Variants in NEDD9 observed in about 807,000 individuals in gnomAD.
NEDD9 encodes neural precursor cell expressed, developmentally down-regulated 9.
Under a neutral mutation model 76.6 loss-of-function variants are expected in NEDD9, and 26 were observed. The ratio of observed to expected loss-of-function variants is 0.34; its 90% CI spans 0.25 to 0.47. The LOEUF is 0.47. NEDD9 is among the 20% of genes least tolerant of loss of function. The probability of loss-of-function intolerance (pLI) is 1.00; values close to 1 mark genes in which losing one functional copy is unlikely to be tolerated. For missense variants in NEDD9, 937 were observed against 1,058.5 expected (o/e 0.89, Z 1.59); for synonymous variants, 392 against 414.2 (o/e 0.95, Z 0.65).
intron 1 of NEDD9, among the ~76,000 whole-genome samples, chr6:11,366,854 G>T (rs148421156): frequency 6.6e-6 from 1 of 152,120 alleles, no homozygotes; most frequent in African/African-American, 2.4e-5. Context: ...CTGTAGAGTG[G>T]GAGATACAAT....
At chr6:11,223,496 A>AG (rs397735102) in intron 1 of NEDD9, among the ~76,000 whole-genome samples, 24 of 150,528 alleles carry the variant, frequency 1.6e-4, no homozygotes, top group African/African-American at 4.7e-4. Flanking sequence ...GGAAAAAAAA[A>AG]CCAACAAAAC....
intron 3 of NEDD9, among the ~76,000 whole-genome samples, chr6:11,304,336 G>C (rs1272945747): frequency 6.6e-6 from 1 of 152,212 alleles, no homozygotes; most frequent in Non-Finnish European, 1.5e-5. Flanking sequence ...GGAGAAATAG[G>C]AAGGGTTTTA....
At chr6:11,355,896 A>AT (rs58539993) in intron 1 of NEDD9, among the ~76,000 whole-genome samples, 1 of 151,278 alleles carries the variant, frequency 6.6e-6, no homozygotes, top group Non-Finnish European at 1.5e-5. Flanking sequence ...AATTTTTTGT[A>AT]TTTTTTAGTA....
Position 11,213,218 on chromosome 6 carries a change from G to A in NEDD9, c.459+63C>T. 2 of 1,425,704 alleles carry A rather than the reference G, an allele frequency of 1.4e-6. No homozygotes were observed. Among genetic ancestry groups the A allele is most frequent in the Non-Finnish European group, 1.9e-6 (2 of 1,051,902 alleles). The allele number at this position is 1,425,704 out of a possible 1,614,324, so 88.3% of individuals were successfully genotyped here. A position where few individuals can be genotyped will look rare whatever the true frequency, so the allele number is the denominator to read the frequency against. ...TATTAATTTGGGAACATTTCCAAATGCTCCAAGTGTAATGGGAAAAAAAAA... is the reference window on the plus strand; with the variant it reads ...TATTAATTTGGGAACATTTCCAAATACTCCAAGTGTAATGGGAAAAAAAAA... On this transcript the variant is annotated intron_variant, in intron 2 of 6. Coordinates refer to ENST00000379446, the MANE Select transcript of NEDD9 (RefSeq NM_006403.4). The surrounding 1 kb of genome is among the most constrained non-coding windows in gnomAD (Gnocchi z 5.4).
At chr6:11,293,174 T>C (rs1190200815) in intron 3 of NEDD9, among the ~76,000 whole-genome samples, 3 of 151,594 alleles carry the variant, frequency 2.0e-5, no homozygotes, top group African/African-American at 7.3e-5. Context: ...TCAAGCATTG[T>C]TGCTAGACAA....
chr6:11,277,399 C>T (rs562240231), intron 3 of NEDD9, among the ~76,000 whole-genome samples: 2 of 152,010 alleles, frequency 1.3e-5, no homozygotes, highest in African/African-American at 4.8e-5. Flanking sequence ...AGAGAGGTGG[C>T]GTTTGGGGGT....
intron 3 of NEDD9, among the ~76,000 whole-genome samples, chr6:11,238,495 G>A (rs1203932464): frequency 6.6e-6 from 1 of 152,254 alleles, no homozygotes; most frequent in Non-Finnish European, 1.5e-5. Context: ...CTTGAGTTGT[G>A]AGGAGGGCTG....
In NEDD9 at chr6:11,206,691, G is replaced by A. The variant is rs189300413; in HGVS notation, c.459+6590C>T. ...CATTATCTATAAAATTTAGAACGAA[G>A]TGCAACTGAGTTTGAAGGCTTTGGC... On this transcript the variant is annotated intron_variant, in intron 2 of 6. Coordinates refer to ENST00000379446, the MANE Select transcript of NEDD9 (RefSeq NM_006403.4). 1.7e-3 allele frequency among the ~76,000 whole-genome samples: 252 copies of A among 152,344 alleles called. 1 individual carries two copies. Among genetic ancestry groups the A allele is most frequent in the African/African-American group, 5.7e-3 (235 of 41,576 alleles).
intron 1 of NEDD9, among the ~76,000 whole-genome samples, chr6:11,375,069 G>A (rs1222910273): frequency 6.6e-6 from 1 of 152,168 alleles, no homozygotes; most frequent in Non-Finnish European, 1.5e-5. Flanking sequence ...ATGAAACAGG[G>A]ATAAATTTGG....
At chr6:11,334,249 A>G (rs1308619826) in intron 2 of NEDD9, among the ~76,000 whole-genome samples, 1 of 152,232 alleles carries the variant, frequency 6.6e-6, no homozygotes, top group Non-Finnish European at 1.5e-5. Flanking sequence ...ACAAACATTA[A>G]TAAGAATGCT....
chr6:11,211,286 C>G (rs191926327), intron 2 of NEDD9, among the ~76,000 whole-genome samples: 4 of 152,304 alleles, frequency 2.6e-5, no homozygotes, highest in South Asian at 4.1e-4. Flanking sequence ...ATGGGGAAAG[C>G]CTGCAGGGCA....
chr6:11,381,937 A>C (rs1348300255), intron 1 of NEDD9, among the ~76,000 whole-genome samples: 2 of 152,200 alleles, frequency 1.3e-5, no homozygotes, highest in East Asian at 3.8e-4. Context: ...TGAATGTTGC[A>C]CTAAAACCAG....
chr6:11,356,953 C>T (rs1354064473), intron 1 of NEDD9, among the ~76,000 whole-genome samples: 2 of 152,126 alleles, frequency 1.3e-5, no homozygotes, highest in African/African-American at 2.4e-5. Flanking sequence ...AACAGGATTT[C>T]CTGCTCTCAG....
At position 11,206,068 on chromosome 6, in the gene NEDD9, G is replaced by A. The variant is rs116886232; in HGVS notation, c.459+7213C>T. On this transcript the variant is annotated intron_variant, in intron 2 of 6. Coordinates refer to ENST00000379446, the MANE Select transcript of NEDD9 (RefSeq NM_006403.4). Reference sequence around the variant, plus strand: ...TTAGAATGAAGTGCTTTTGATTGCTGACAGTTTCTAGTTCTGCATTTTGCA... The same window carrying A: ...TTAGAATGAAGTGCTTTTGATTGCTAACAGTTTCTAGTTCTGCATTTTGCA... Among the ~76,000 whole-genome samples the A allele has an allele frequency of 5.7e-3, 872 of 152,346 alleles. 21 individuals are homozygous for A. The East Asian group carries it at 0.069, about 12-fold the overall frequency.
At chr6:11,360,734 C>A (rs1050164981) in intron 1 of NEDD9, among the ~76,000 whole-genome samples, 2 of 152,140 alleles carry the variant, frequency 1.3e-5, no homozygotes, top group Admixed American at 1.3e-4. Flanking sequence ...GAACCGTGGG[C>A]CAATTAAACC....
chr6:11,260,622 TG>T (rs1169102754), intron 3 of NEDD9, among the ~76,000 whole-genome samples: 1 of 152,164 alleles, frequency 6.6e-6, no homozygotes, highest in Non-Finnish European at 1.5e-5. Flanking sequence ...GGGCATTGAG[TG>T]AATGGGCTTG....
intron 3 of NEDD9, among the ~76,000 whole-genome samples, chr6:11,257,790 T>TGTGC (rs1272855548): frequency 2.6e-5 from 4 of 151,420 alleles, no homozygotes; most frequent in Non-Finnish European, 4.4e-5. Flanking sequence ...TGTGTGTGTG[T>TGTGC]GTGTGTGTGT....
At chr6:11,338,767 C>T (rs1253395682) in intron 1 of NEDD9, among the ~76,000 whole-genome samples, 1 of 151,878 alleles carries the variant, frequency 6.6e-6, no homozygotes, top group Non-Finnish European at 1.5e-5. Context: ...ACTAAAAATA[C>T]AAAAATTAGC....
At chr6:11,263,616 C>G (rs1032265953) in intron 3 of NEDD9, among the ~76,000 whole-genome samples, 2 of 152,158 alleles carry the variant, frequency 1.3e-5, no homozygotes, top group African/African-American at 2.4e-5. Flanking sequence ...CTGTTATTTT[C>G]GCCTTCCCAA....
Sources: gnomAD v4.1 joint callset for allele counts (sites outside exome capture counted in the v4.1 genomes callset) on GRCh38, gnomAD v4.1.1 for gene constraint, Gnocchi (gnomAD v3.1) non-coding constraint, MANE v1.5 for transcripts, NCBI Gene and HGNC (gene_info 2026-07-23, HGNC 2026-07-21) for gene names.